ZSWIM1: variants seen among roughly 807,000 people sequenced by gnomAD.
The protein encoded by ZSWIM1 is zinc finger SWIM domain-containing protein 1.
A neutral mutation model predicts 29.3 loss-of-function variants in ZSWIM1; 22 were observed. The ratio of observed to expected loss-of-function variants is 0.75; its 90% CI spans 0.54 to 1.07. The LOEUF (loss-of-function observed/expected upper bound fraction) is 1.07, where lower values mean the gene tolerates loss of function less well. Ranked by LOEUF, ZSWIM1 falls within the 50% of genes least tolerant of loss-of-function variation. ZSWIM1 has a pLI of 0.00. For missense variants in ZSWIM1, 511 were observed against 596.2 expected (o/e 0.86, Z 1.49); for synonymous variants, 228 against 240.8 (o/e 0.95, Z 0.49).
chr20:45,884,271 C>A lies in ZSWIM1; in HGVS notation c.*221C>A. On this transcript the variant is annotated 3_prime_UTR_variant, in exon 2 of 2. Transcript: ENST00000372523. The stretch of plus-strand genomic sequence containing the variant: ...GTGTCTAGCTCAATGAGACAGGAGT[C>A]AGCAAATCTTAATCTGTTTAGTTTA... 1 of 535,988 alleles carries A rather than the reference C, an allele frequency of 1.9e-6. No homozygotes were observed. Among genetic ancestry groups the A allele is most frequent in the Non-Finnish European group, 3.3e-6 (1 of 301,990 alleles). 33.2% of individuals were successfully genotyped at this position (535,988 alleles called of 1,614,324 possible).
Position 45,883,641 on chromosome 20 carries a change from A to G in ZSWIM1, c.1049A>G (p.Gln350Arg), listed in dbSNP as rs1468143601. 1 of 1,614,098 alleles carries G rather than the reference A, an allele frequency of 6.2e-7. No homozygotes were observed. The highest frequency in any genetic ancestry group is 1.7e-5 in the Admixed American group (1 of 60,006). ...TGCCTGGGCGAGCTTGCTGTGGTCC[A>G]GAAATCCACACACCTCATTGGCTCT... is the stretch of plus-strand genomic sequence containing the variant. The part of the protein sequence containing the change: ...QLCLGELAVV[Q>R]KSTHLIGSGS... The change falls in exon 2 of 2, where the codon CAG becomes CGG. Residue 350 changes from glutamine to arginine, a missense_variant. Physicochemically the swap from Gln to Arg is conservative, Grantham distance 43. Coordinates refer to ENST00000372523, the MANE Select transcript of ZSWIM1 (RefSeq NM_080603.5).
At position 45,883,492 on chromosome 20, in the gene ZSWIM1, G is replaced by T; in HGVS notation, c.900G>T (p.Leu300=). Residue 300 remains leucine (L), a synonymous_variant, in exon 2 of 2, where the codon CTG becomes CTT. Coordinates refer to ENST00000372523, the MANE Select transcript of ZSWIM1 (RefSeq NM_080603.5). ...ACAAGGCAAACTTCAACCAGGGCCT[G>T]TGTGCCCAGAACAATCATGCTCCCT... ...SADKANFNQG[L]CAQNNHAPSD... 1 of 1,614,240 alleles carries T rather than the reference G, an allele frequency of 6.2e-7. No homozygotes were observed. The highest frequency in any genetic ancestry group is 8.5e-7 in the Non-Finnish European group (1 of 1,180,052).
rs1433846974 is a variant in ZSWIM1 at position 45,884,682 on chromosome 20, G to T, written c.*632G>T. On this transcript the variant is annotated 3_prime_UTR_variant, in exon 2 of 2. Coordinates refer to ENST00000372523, the MANE Select transcript of ZSWIM1 (RefSeq NM_080603.5). ...CGGCCTGTTTTAACATTTTCATAAG[G>T]TAAAAACCTTTCTTAGCTCAAAGGT... The T allele has an allele frequency of 6.0e-6, 1 of 166,482 alleles. No individual in the cohort carries two copies. Among genetic ancestry groups the T allele is most frequent in the Non-Finnish European group, 1.5e-5 (1 of 68,010 alleles). 10.3% of individuals were successfully genotyped at this position (166,482 alleles called of 1,614,324 possible).
Position 45,883,537 on chromosome 20 carries a change from C to A in ZSWIM1, c.945C>A (p.Ser315Arg). 1 of 1,614,240 alleles carries A rather than the reference C, an allele frequency of 6.2e-7. No homozygotes were observed. The highest frequency in any genetic ancestry group is 8.5e-7 in the Non-Finnish European group (1 of 1,180,046). ...NHAPSDTIPE[S>R]PKLEQLVESH... ...CTCCCTCAGACACCATCCCCGAAAG[C>A]CCCAAACTGGAGCAGCTGGTAGAAT... The change falls in exon 2 of 2, where the codon AGC becomes AGA. Residue 315 changes from serine (S) to arginine (R), a missense_variant. Ser to Arg is a moderately radical substitution (Grantham distance 110, BLOSUM62 -1). Transcript: ENST00000372523.
chr20:45,884,173 C>T lies in ZSWIM1; in HGVS notation c.*123C>T. The T allele has an allele frequency of 7.3e-7, 1 of 1,372,608 alleles. No homozygotes were observed. The highest frequency in any genetic ancestry group is 2.4e-5 in the East Asian group (1 of 42,180). 85.0% of individuals were successfully genotyped at this position (1,372,608 alleles called of 1,614,324 possible). A position where few individuals can be genotyped will look rare whatever the true frequency, so the allele number is the denominator to read the frequency against. Reference sequence around the variant, plus strand: ...TTACACTGTTGTACTTCCGTGGGCCCTCCTTCCAGAACAAGGACAACAAGG... The same window carrying T: ...TTACACTGTTGTACTTCCGTGGGCCTTCCTTCCAGAACAAGGACAACAAGG... On this transcript the variant is annotated 3_prime_UTR_variant, in exon 2 of 2. Coordinates refer to ENST00000372523, the MANE Select transcript of ZSWIM1 (RefSeq NM_080603.5).
In ZSWIM1 at chr20:45,882,896, G is replaced by A. The variant is rs777913609; in HGVS notation, c.304G>A (p.Val102Met). The change falls in exon 2 of 2, where the codon GTG becomes ATG. Residue 102 changes from valine (V) to methionine (M), a missense_variant. Physicochemically the swap from Val to Met is conservative, Grantham distance 21. Transcript: ENST00000372523. ...LYTFLVDGPR[V>M]QLEGHLARAV... ...TACCTTCCTGGTGGATGGACCTCGG[G>A]TGCAGCTGGAGGGTCATCTTGCCCG... is the stretch of plus-strand genomic sequence containing the variant. 6.8e-6 allele frequency: 11 copies of A among 1,614,196 alleles called. No homozygotes were observed. The South Asian group carries it at 1.2e-4, about 18-fold the overall frequency.
At position 45,883,441 on chromosome 20, in the gene ZSWIM1, C is replaced by G. The variant is rs748009792; in HGVS notation, c.849C>G (p.Phe283Leu). 6.2e-7 allele frequency: 1 copy of G among 1,614,236 alleles called. No homozygotes were observed. The highest frequency in any genetic ancestry group is 2.2e-5 in the East Asian group (1 of 44,886). The change falls in exon 2 of 2, where the codon TTC becomes TTG. Residue 283 changes from phenylalanine (F) to leucine (L), a missense_variant. Phe to Leu is a conservative substitution (Grantham distance 22). Coordinates refer to ENST00000372523, the MANE Select transcript of ZSWIM1 (RefSeq NM_080603.5). ...PSEKQGMASL[F>L]RYMQQNSADK... Reference sequence around the variant, plus strand: ...AGAAACAAGGTATGGCTTCTCTGTTCCGTTACATGCAGCAGAACTCTGCAG... The same window carrying G: ...AGAAACAAGGTATGGCTTCTCTGTTGCGTTACATGCAGCAGAACTCTGCAG...
rs1986408963 is a variant in ZSWIM1, at chr20:45,884,329, T to G, written c.*279T>G. Reference sequence around the variant, plus strand: ...GGCCACATACAGTCTCTGTTGTATATTCTTGGTTTTGTTTTAATATTTTTT... The same window carrying G: ...GGCCACATACAGTCTCTGTTGTATAGTCTTGGTTTTGTTTTAATATTTTTT... On this transcript the variant is annotated 3_prime_UTR_variant, in exon 2 of 2. Transcript: ENST00000372523. The G allele has an allele frequency of 2.7e-6, 1 of 365,408 alleles. No individual in the cohort carries two copies. The highest frequency in any genetic ancestry group is 2.1e-5 in the African/African-American group (1 of 47,034). The allele number at this position is 365,408 out of a possible 1,614,324, so 22.6% of individuals were successfully genotyped here.
Position 45,884,317 on chromosome 20 carries a change from C to T in ZSWIM1, c.*267C>T, listed in dbSNP as rs571455422. Reference sequence around the variant, plus strand: ...GTTTACTCAGGTGGCCACATACAGTCTCTGTTGTATATTCTTGGTTTTGTT... The same window carrying T: ...GTTTACTCAGGTGGCCACATACAGTTTCTGTTGTATATTCTTGGTTTTGTT... On this transcript the variant is annotated 3_prime_UTR_variant, in exon 2 of 2. Coordinates refer to ENST00000372523, the MANE Select transcript of ZSWIM1 (RefSeq NM_080603.5). The T allele has an allele frequency of 4.0e-4, 153 of 380,408 alleles. No homozygotes were observed. Among genetic ancestry groups the T allele is most frequent in the Middle Eastern group, 2.2e-3 (3 of 1,388 alleles). 23.6% of individuals were successfully genotyped at this position (380,408 alleles called of 1,614,324 possible).
rs71181872 is a variant in ZSWIM1, at chr20:45,884,105, TACACAC to T, written c.*88_*93del. 0.026 allele frequency: 27,891 copies of T among 1,083,582 alleles called. 88 individuals carry two copies. Among genetic ancestry groups the T allele is most frequent in the Middle Eastern group, 0.049 (159 of 3,250 alleles). The allele number at this position is 1,083,582 out of a possible 1,614,324, so 67.1% of individuals were successfully genotyped here. ...ACCTGTGCACACTCACATCCACCCA[TACACAC>T]ACACACACACACACACACACACACA... On this transcript the variant is annotated 3_prime_UTR_variant, in exon 2 of 2. Coordinates refer to ENST00000372523, the MANE Select transcript of ZSWIM1 (RefSeq NM_080603.5).
chr20:45,882,490 C>A, intron 1 of ZSWIM1, 43 bp from the exon 2 acceptor site: 1 of 1,398,088 alleles, frequency 7.2e-7, no homozygotes, highest in Non-Finnish European at 9.7e-7. Context: ...AATTGAAGAG[C>A]CAGGTCCCTG....
At chr20:45,881,209 A>T (rs1010493449), upstream of ZSWIM1, 2 of 152,578 alleles carry the variant, frequency 1.3e-5, no homozygotes, top group Admixed American at 1.3e-4. Flanking sequence ...GATGTCAGTC[A>T]GAGTCGGAGG....
At position 45,883,175 on chromosome 20, in the gene ZSWIM1, C is replaced by A; in HGVS notation, c.583C>A (p.Leu195Met). ...TGAACGGCCCGTGGAAAGGCTGCTC[C>A]TGACCTCCCTGCAGAGCACAATGTG... ...SLERPVERLL[L>M]TSLQSTMCSA... The change falls in exon 2 of 2, where the codon CTG becomes ATG. Residue 195 changes from leucine to methionine, a missense_variant. By Grantham distance (15) the Leu-to-Met change is conservative. Coordinates refer to ENST00000372523, the MANE Select transcript of ZSWIM1 (RefSeq NM_080603.5). 1.2e-6 allele frequency: 2 copies of A among 1,614,042 alleles called. No homozygotes were observed. Among genetic ancestry groups the A allele is most frequent in the Non-Finnish European group, 1.7e-6 (2 of 1,180,040 alleles).
chr20:45,882,532 G>A lies in ZSWIM1; in HGVS notation c.-60-1G>A. ...CCTTAAACCTCTGTTACTCTCCATA[G>A]GCCCATCTTTGGAAAAAAGATCTGG... On this transcript the variant is annotated splice_acceptor_variant, in intron 1 of 1. Coordinates refer to ENST00000372523, the MANE Select transcript of ZSWIM1 (RefSeq NM_080603.5). LOFTEE classifies it low-confidence loss of function (5UTR_SPLICE). 1 of 1,560,024 alleles carries A rather than the reference G, an allele frequency of 6.4e-7. No individual in the cohort carries two copies. The highest frequency in any genetic ancestry group is 1.2e-5 in the South Asian group (1 of 80,636).
intron 1 of ZSWIM1, among the ~76,000 whole-genome samples, chr20:45,881,620 A>G (rs1054735681): frequency 6.6e-6 from 1 of 152,128 alleles, no homozygotes; most frequent in Non-Finnish European, 1.5e-5. Context: ...AGAGGAAACA[A>G]TGGAATAGAG....
rs1338251477 is a variant in ZSWIM1, at chr20:45,884,963, G to A, written c.*913G>A. ...GGAGGCAGAGGTTGCAGTAGGCCAA[G>A]ATCCTGCTGCCACTGCACTCCAGCC... On this transcript the variant is annotated 3_prime_UTR_variant, in exon 2 of 2. Transcript: ENST00000372523. 6.0e-6 allele frequency: 1 copy of A among 166,786 alleles called. No individual in the cohort carries two copies. The highest frequency in any genetic ancestry group is 2.4e-5 in the African/African-American group (1 of 41,450). 10.3% of individuals were successfully genotyped at this position (166,786 alleles called of 1,614,324 possible). A position where few individuals can be genotyped will look rare whatever the true frequency, so the allele number is the denominator to read the frequency against.
rs1291921562 is a variant in ZSWIM1, at chr20:45,883,426, T to A, written c.834T>A (p.Gly278=). ...FFGTTPSEKQ[G]MASLFRYMQQ... Reference sequence around the variant, plus strand: ...GTACCACCCCATCTGAGAAACAAGGTATGGCTTCTCTGTTCCGTTACATGC... The same window carrying A: ...GTACCACCCCATCTGAGAAACAAGGAATGGCTTCTCTGTTCCGTTACATGC... Residue 278 remains glycine (G), a synonymous_variant, in exon 2 of 2, where the codon GGT becomes GGA. Transcript: ENST00000372523. The A allele has an allele frequency of 6.2e-7, 1 of 1,614,044 alleles. No homozygotes were observed. Among genetic ancestry groups the A allele is most frequent in the Non-Finnish European group, 8.5e-7 (1 of 1,180,042 alleles).
intron 1 of ZSWIM1, among the ~76,000 whole-genome samples, chr20:45,881,939 C>T (rs1291722966): frequency 6.6e-6 from 1 of 152,226 alleles, no homozygotes; most frequent in Non-Finnish European, 1.5e-5. Context: ...CCTCAGCCTC[C>T]TGGGTTCAAG....
In ZSWIM1 at chr20:45,882,655, C is replaced by T; in HGVS notation, c.63C>T (p.Gly21=). The change falls in exon 2 of 2, where the codon GGC becomes GGT. Residue 21 remains glycine, a synonymous_variant. Transcript: ENST00000372523. Reference sequence around the variant, plus strand: ...TGCAAAGAAAGTATTTTGACCTTGGCATTTGGACAGCTCCCATCTCTCCCA... The same window carrying T: ...TGCAAAGAAAGTATTTTGACCTTGGTATTTGGACAGCTCCCATCTCTCCCA... ...AALQRKYFDL[G]IWTAPISPMA... 6.2e-7 allele frequency: 1 copy of T among 1,614,192 alleles called. No individual in the cohort carries two copies. The highest frequency in any genetic ancestry group is 8.5e-7 in the Non-Finnish European group (1 of 1,180,046).
Sources: gnomAD v4.1 joint callset for allele counts (sites outside exome capture counted in the v4.1 genomes callset) on GRCh38, gnomAD v4.1.1 for gene constraint, MANE v1.5 for transcripts, NCBI Gene and HGNC (gene_info 2026-07-23, HGNC 2026-07-21) for gene names.